Variants in RAB3B observed in about 807,000 individuals in gnomAD.
RAB3B encodes the protein RAB3B, member RAS oncogene family, also known as ras-related protein Rab-3B.
In RAB3B, 11 loss-of-function variants were observed where a neutral mutation model predicts 20.5. The ratio of observed to expected loss-of-function variants is 0.54; its 90% CI spans 0.34 to 0.89. The LOEUF is 0.89. Among genes scored for constraint, RAB3B ranks in the 40% least tolerant of loss-of-function variants. The pLI is 0.02. For missense variants in RAB3B, 225 were observed against 280.9 expected (o/e 0.80, Z 1.42); for synonymous variants, 99 against 106.3 (o/e 0.93, Z 0.42).
At chr1:51,939,284 C>T (rs903458187) in intron 2 of RAB3B, among the ~76,000 whole-genome samples, 2 of 152,176 alleles carry the variant, frequency 1.3e-5, no homozygotes, top group African/African-American at 4.8e-5. Flanking sequence ...CATTTAAATT[C>T]TATGAGATTC....
intron 4 of RAB3B, among the ~76,000 whole-genome samples, chr1:51,923,789 CT>C (rs891438383): frequency 5.3e-5 from 8 of 151,064 alleles, no homozygotes; most frequent in African/African-American, 1.9e-4. Flanking sequence ...AATCCCAGTA[CT>C]TTGGGGGTGC....
At chr1:51,941,204 C>G (rs1157624287) in intron 2 of RAB3B, among the ~76,000 whole-genome samples, 1 of 152,016 alleles carries the variant, frequency 6.6e-6, no homozygotes, top group Non-Finnish European at 1.5e-5. Context: ...GAGTTTTTGA[C>G]AGTGAGTACT....
At chr1:51,967,515 C>CTTTTTTTTTTT (rs67927521) in intron 2 of RAB3B, among the ~76,000 whole-genome samples, 6 of 16,422 alleles carry the variant, frequency 3.7e-4, no homozygotes, top group Non-Finnish European at 1.1e-3. Context: ...CTTTTCTTTT[C>CTTTTTTTTTTT]TTTTTCTTTT....
chr1:51,929,237 G>A (rs947969055), intron 4 of RAB3B, among the ~76,000 whole-genome samples: 14 of 152,214 alleles, frequency 9.2e-5, no homozygotes, highest in African/African-American at 3.4e-4. Context: ...ATAGAAAGAG[G>A]CTGAGGGGAT....
chr1:51,951,297 C>A (rs182829866), intron 2 of RAB3B, among the ~76,000 whole-genome samples: 1 of 152,152 alleles, frequency 6.6e-6, no homozygotes, highest in African/African-American at 2.4e-5. Context: ...CAGCCCTTGT[C>A]CCCAATGCAG....
intron 2 of RAB3B, among the ~76,000 whole-genome samples, chr1:51,937,831 T>G (rs1231413496): frequency 1.3e-5 from 2 of 152,094 alleles, no homozygotes; most frequent in African/African-American, 4.8e-5. Flanking sequence ...TTATGTGTCT[T>G]GTATTGTGCT....
intron 3 of RAB3B, among the ~76,000 whole-genome samples, chr1:51,937,055 C>G (rs1278377511): frequency 6.6e-6 from 1 of 152,162 alleles, no homozygotes; most frequent in Non-Finnish European, 1.5e-5. Flanking sequence ...CTCGGGTGAT[C>G]TGGCTGCCTC....
At chr1:51,927,974 G>C (rs1047584993) in intron 4 of RAB3B, among the ~76,000 whole-genome samples, 1 of 152,154 alleles carries the variant, frequency 6.6e-6, no homozygotes, top group Non-Finnish European at 1.5e-5. Flanking sequence ...AACCCTAAAA[G>C]GTCATGCTTC....
intron 1 of RAB3B, among the ~76,000 whole-genome samples, chr1:51,989,103 G>GCGCGCGCACACACACA (rs377673682): frequency 1.7e-4 from 23 of 132,762 alleles, no homozygotes; most frequent in South Asian, 2.6e-4. Context: ...CTGTGCGCGC[G>GCGCGCGCACACACACA]CACACACACA....
At chr1:51,955,090 G>T (rs1684690278) in intron 2 of RAB3B, among the ~76,000 whole-genome samples, 1 of 152,220 alleles carries the variant, frequency 6.6e-6, no homozygotes, top group African/African-American at 2.4e-5. Flanking sequence ...AAGGCCAGGG[G>T]GCGTTGACCT....
At chr1:51,967,729 G>A (rs1684876751) in intron 2 of RAB3B, among the ~76,000 whole-genome samples, 1 of 151,278 alleles carries the variant, frequency 6.6e-6, no homozygotes, top group Non-Finnish European at 1.5e-5. Flanking sequence ...TCAGTATGTT[G>A]CTGGTCTCAC....
At position 51,964,682 on chromosome 1, in the gene RAB3B, C is replaced by A. The variant is rs536000002; in HGVS notation, c.228+12208G>T. Among the ~76,000 whole-genome samples the A allele has an allele frequency of 7.9e-5, 12 of 152,298 alleles. No individual in the cohort carries two copies. In the Middle Eastern group the frequency reaches 0.01, roughly 130 times the overall value. ...CAAACTTCTAGTCGCTCAGCCCAAA[C>A]CCTCAGCAACATCCTTGACTTCTCT... On this transcript the variant is annotated intron_variant, in intron 2 of 4. Transcript: ENST00000371655.
intron 2 of RAB3B, among the ~76,000 whole-genome samples, chr1:51,976,547 C>A (rs1253721729): frequency 6.6e-6 from 1 of 152,064 alleles, no homozygotes; most frequent in East Asian, 1.9e-4. Context: ...GAAAGGGTGC[C>A]CCAGAGAAGT....
chr1:51,983,040 T>C (rs1685107955), intron 1 of RAB3B, among the ~76,000 whole-genome samples: 1 of 152,008 alleles, frequency 6.6e-6, no homozygotes, highest in African/African-American at 2.4e-5. Flanking sequence ...CTTATATAGG[T>C]GTACCATTTT....
At chr1:51,967,206 G>A (rs1465926500) in intron 2 of RAB3B, among the ~76,000 whole-genome samples, 1 of 152,022 alleles carries the variant, frequency 6.6e-6, no homozygotes, top group Non-Finnish European at 1.5e-5. Flanking sequence ...CCAGCTATTC[G>A]GGAGGCTGAG....
intron 2 of RAB3B, among the ~76,000 whole-genome samples, chr1:51,941,593 T>C (rs146947807): frequency 6.6e-6 from 1 of 152,328 alleles, no homozygotes; most frequent in East Asian, 1.9e-4. Context: ...AAAACAAAGA[T>C]AGCAGTTGTT....
At chr1:51,986,878 G>A (rs1685159115) in intron 1 of RAB3B, among the ~76,000 whole-genome samples, 1 of 152,244 alleles carries the variant, frequency 6.6e-6, no homozygotes, top group South Asian at 2.1e-4. Flanking sequence ...CATCCCAGCA[G>A]GCAGCTGCCT....
chr1:51,944,979 A>G (rs1684545879), intron 2 of RAB3B, among the ~76,000 whole-genome samples: 1 of 152,202 alleles, frequency 6.6e-6, no homozygotes. Context: ...TCTTTCATGA[A>G]AAGAAGAATC....
intron 2 of RAB3B, among the ~76,000 whole-genome samples, chr1:51,976,546 C>G (rs1011524264): frequency 3.3e-5 from 5 of 152,134 alleles, no homozygotes; most frequent in African/African-American, 1.2e-4. Flanking sequence ...AGAAAGGGTG[C>G]CCCAGAGAAG....
Sources: gnomAD v4.1 joint callset for allele counts (sites outside exome capture counted in the v4.1 genomes callset) on GRCh38, gnomAD v4.1.1 for gene constraint, MANE v1.5 for transcripts, NCBI Gene and HGNC (gene_info 2026-07-23, HGNC 2026-07-21) for gene names.